Variants in SKP2 observed in about 807,000 individuals in gnomAD.
SKP2 encodes S-phase kinase associated protein 2, also known as S-phase kinase-associated protein 2.
Under a neutral mutation model 51.8 loss-of-function variants are expected in SKP2, and 16 were observed. The observed-to-expected ratio is 0.31, with a 90% confidence interval of 0.21 to 0.47. SKP2 has a LOEUF of 0.47. SKP2 is among the 20% of genes least tolerant of loss of function. The pLI, the probability that SKP2 is intolerant of heterozygous loss-of-function variation, is 1.00. For missense variants in SKP2, 377 were observed against 505.3 expected, an observed-to-expected ratio of 0.75 and a Z score of 2.43; for synonymous variants, 176 against 198.6, an observed-to-expected ratio of 0.89 and a Z score of 0.96.
intron 2 of SKP2, chr5:36,155,032 A>G (rs1744898683): frequency 6.6e-6 from 1 of 152,232 alleles, no homozygotes; most frequent in Non-Finnish European, 1.5e-5. Context: ...TTGCAGACCC[A>G]AGGTAATTTA....
At chr5:36,186,761 A>G (rs1745959679), downstream of SKP2, among the ~76,000 whole-genome samples, 1 of 152,128 alleles carries the variant, frequency 6.6e-6, no homozygotes. Context: ...GCCTCACAAA[A>G]TGAGTTAAGG....
chr5:36,171,054 T>C (rs775442498), intron 6 of SKP2, among the ~76,000 whole-genome samples: 1 of 152,194 alleles, frequency 6.6e-6, no homozygotes, highest in Non-Finnish European at 1.5e-5. Context: ...ATATGCGTGT[T>C]ATCAGTGAGA....
intron 9 of SKP2, 120 bp downstream of exon 9, chr5:36,177,412 C>T (rs2112004177): frequency 1.3e-6 from 1 of 747,390 alleles, no homozygotes; most frequent in South Asian, 1.4e-5. Context: ...AATAAGTATA[C>T]CACAGACTGG....
chr5:36,175,414 G>T (rs1242683421), intron 7 of SKP2, among the ~76,000 whole-genome samples: 1 of 152,092 alleles, frequency 6.6e-6, no homozygotes, highest in Non-Finnish European at 1.5e-5. Context: ...CAGAATTTAG[G>T]AGAGGGGATA....
chr5:36,152,284 A>C lies in SKP2; in HGVS notation c.8+14A>C. On this transcript the variant is annotated intron_variant, in intron 1 of 9. Transcript: ENST00000274255. ...CGCTATGCACAGGTAAACGGATTGCAAAAAGGGGAAGAGCATGAAATGGAC... is the reference window on the plus strand; with the variant it reads ...CGCTATGCACAGGTAAACGGATTGCCAAAAGGGGAAGAGCATGAAATGGAC... The C allele has an allele frequency of 6.2e-7, 1 of 1,612,056 alleles. No homozygotes were observed. Among genetic ancestry groups the C allele is most frequent in the South Asian group, 1.1e-5 (1 of 91,044 alleles).
chr5:36,158,181 T>C (rs1328208487), intron 2 of SKP2, among the ~76,000 whole-genome samples: 1 of 152,220 alleles, frequency 6.6e-6, no homozygotes, highest in African/African-American at 2.4e-5. Flanking sequence ...GGGTCTGGTA[T>C]GCAGCTACAG....
At chr5:36,184,633 G>A (rs1240112279), downstream of SKP2, among the ~76,000 whole-genome samples, 3 of 152,266 alleles carry the variant, frequency 2.0e-5, no homozygotes, top group South Asian at 4.1e-4. Flanking sequence ...TGGTGTATAT[G>A]TGCCACATTT....
intron 3 of SKP2, among the ~76,000 whole-genome samples, chr5:36,166,169 A>G (rs1257870267): frequency 1.3e-5 from 2 of 152,250 alleles, no homozygotes; most frequent in Non-Finnish European, 2.9e-5. Flanking sequence ...GCCTAGTAAT[A>G]TAATAATTAA....
intron 6 of SKP2, among the ~76,000 whole-genome samples, chr5:36,190,913 T>C (rs1309223765): frequency 2.0e-5 from 3 of 152,220 alleles, no homozygotes; most frequent in Non-Finnish European, 4.4e-5. Context: ...CAAGATGGTG[T>C]TGACAATTCC....
chr5:36,168,077 A>G (rs1339181133), intron 4 of SKP2, among the ~76,000 whole-genome samples: 1 of 152,156 alleles, frequency 6.6e-6, no homozygotes, highest in Non-Finnish European at 1.5e-5. Context: ...TCTAAGTGGG[A>G]CTATATTGGC....
At position 36,183,882 on chromosome 5, in the gene SKP2, C is replaced by T; in HGVS notation, c.*1851C>T. On this transcript the variant is annotated 3_prime_UTR_variant, in exon 10 of 10. Transcript: ENST00000274255. The stretch of plus-strand genomic sequence containing the variant: ...GGGTTAGGATCCGGTTGGACTCTGA[C>T]ATCGGATGCCCTCAAACATACAGAA... The T allele has an allele frequency of 6.2e-7, 1 of 1,604,492 alleles. No homozygotes were observed. The highest frequency in any genetic ancestry group is 8.5e-7 in the Non-Finnish European group (1 of 1,174,666).
chr5:36,191,716 A>G (rs369655522), intron 6 of SKP2, among the ~76,000 whole-genome samples: 29 of 152,296 alleles, frequency 1.9e-4, no homozygotes, highest in African/African-American at 7.0e-4. Flanking sequence ...AGTAGTCTAG[A>G]GACTGGGCAA....
At chr5:36,186,082 G>T (rs567026862), downstream of SKP2, among the ~76,000 whole-genome samples, 32 of 152,124 alleles carry the variant, frequency 2.1e-4, no homozygotes, top group Admixed American at 1.3e-4. Context: ...AAGAATGCTC[G>T]TGATTTTTGC....
chr5:36,185,987 TC>T, downstream of SKP2, among the ~76,000 whole-genome samples: 1 of 152,298 alleles, frequency 6.6e-6, no homozygotes, highest in Middle Eastern at 3.4e-3. Context: ...TAAGTTGGAT[TC>T]CTAGGTATTT....
At chr5:36,167,160 C>T (rs1203230394) in intron 4 of SKP2, among the ~76,000 whole-genome samples, 1 of 152,140 alleles carries the variant, frequency 6.6e-6, no homozygotes, top group African/African-American at 2.4e-5. Context: ...AAAGAATTTT[C>T]TGTTCTGATA....
downstream of SKP2, among the ~76,000 whole-genome samples, chr5:36,188,628 G>C (rs142593541): frequency 6.0e-3 from 910 of 152,222 alleles, 13 homozygotes; most frequent in African/African-American, 0.021. Context: ...TCCCTTTATG[G>C]GTAACCCGAC....
chr5:36,175,705 C>T (rs1320250245), intron 7 of SKP2, among the ~76,000 whole-genome samples: 1 of 151,656 alleles, frequency 6.6e-6, no homozygotes, highest in Non-Finnish European at 1.5e-5. Context: ...AATTATAACG[C>T]ATTGTATATA....
chr5:36,166,513 T>C lies in SKP2; in HGVS notation c.393-6T>C. The C allele has an allele frequency of 1.2e-6, 2 of 1,613,854 alleles. No homozygotes were observed. The highest frequency in any genetic ancestry group is 1.7e-6 in the Non-Finnish European group (2 of 1,179,828). On this transcript the variant is annotated splice_polypyrimidine_tract_variant and splice_region_variant and intron_variant, in intron 3 of 9. Transcript: ENST00000274255. ...CTGGCCAAATTAAGTATCTCCTCTT[T>C]TATAGGTCTGATGAGTCTCTATGGC...
intron 2 of SKP2, among the ~76,000 whole-genome samples, chr5:36,156,680 G>A (rs3804446): frequency 0.69 from 104,574 of 152,014 alleles, 40,564 homozygotes; most frequent in Non-Finnish European, 0.87. Context: ...CTTTAAACAG[G>A]TGATAGCCAT....
Sources: gnomAD v4.1 joint callset for allele counts (sites outside exome capture counted in the v4.1 genomes callset) on GRCh38, gnomAD v4.1.1 for gene constraint, MANE v1.5 for transcripts, NCBI Gene and HGNC (gene_info 2026-07-23, HGNC 2026-07-21) for gene names.